Variants in FAM120C observed in about 807,000 individuals in gnomAD.
The protein encoded by FAM120C is constitutive coactivator of PPAR-gamma-like protein 2.
Under a neutral mutation model 71.2 loss-of-function variants are expected in FAM120C, and 14 were observed. That is an observed-to-expected ratio of 0.20 (90% CI 0.13 to 0.31). FAM120C has a LOEUF of 0.31. FAM120C is among the 10% of genes least tolerant of loss of function. The pLI is 1.00. For synonymous variants in FAM120C, 354 were observed against 353.2 expected (o/e 1.00, Z -0.03); for missense variants, 500 against 879.0 (o/e 0.57, Z 5.45).
intron 1 of FAM120C, among the ~76,000 whole-genome samples, chrX:54,173,514 C>T (rs1370858249): frequency 8.9e-6 from 1 of 112,620 alleles, no homozygotes; most frequent in Non-Finnish European, 1.9e-5. Flanking sequence ...TCCCAAAGTG[C>T]TGGGATTACA....
At chrX:54,148,881 C>T (rs1208057345) in intron 4 of FAM120C, among the ~76,000 whole-genome samples, 1 of 111,454 alleles carries the variant, frequency 9.0e-6, no homozygotes, top group Non-Finnish European at 1.9e-5. Flanking sequence ...TTAATTAGCT[C>T]GATTTAGCCA....
At position 54,133,791 on chromosome X, in the gene FAM120C, G is replaced by T; in HGVS notation, c.1872C>A (p.Ile624=). The change falls in exon 8 of 16, where the codon ATC becomes ATA. Residue 624 remains isoleucine (I), a synonymous_variant. Transcript: ENST00000375180. ...GCCTCACCTTAGTGAGGACATGGTA[G>T]ATATATGGGTACATAAGACCCCTCC... ...RHRRGLMYPY[I]YHVLTKGEIK... 5.0e-6 allele frequency: 6 copies of T among 1,210,830 alleles called. No individual in the cohort carries two copies. The highest frequency in any genetic ancestry group is 6.7e-6 in the Non-Finnish European group (6 of 894,952).
intron 4 of FAM120C, among the ~76,000 whole-genome samples, chrX:54,144,140 G>A (rs1302746986): frequency 1.5e-4 from 17 of 111,401 alleles, no homozygotes; most frequent in African/African-American, 4.6e-4. Flanking sequence ...CTCTCAATAA[G>A]CTAGGTATTC....
In FAM120C at chrX:54,129,839, G is replaced by A. The variant is rs782342377; in HGVS notation, c.2062+2853C>T. On this transcript the variant is annotated intron_variant, in intron 9 of 15. Transcript: ENST00000375180. The stretch of plus-strand genomic sequence containing the variant: ...TGGAGACCAGCCCGGCCAACACAGC[G>A]AAACCCGGTCTCCACCAAAAAAATA... Among the ~76,000 whole-genome samples, 1,049 of 111,646 alleles carry A rather than the reference G, an allele frequency of 9.4e-3. 6 individuals are homozygous for A. The highest frequency in any genetic ancestry group is 0.037 in the Middle Eastern group (8 of 215).
intron 10 of FAM120C, among the ~76,000 whole-genome samples, chrX:54,111,392 A>G (rs1399456659): frequency 9.0e-6 from 1 of 111,248 alleles, no homozygotes; most frequent in Non-Finnish European, 1.9e-5. Flanking sequence ...AAAACCCTAA[A>G]GAATCCTCCA....
At chrX:54,098,331 G>A (rs1033420181) in intron 10 of FAM120C, among the ~76,000 whole-genome samples, 3 of 111,607 alleles carry the variant, frequency 2.7e-5, no homozygotes, top group African/African-American at 9.8e-5. Flanking sequence ...ATAAGCCACC[G>A]TGCCCGGCCT....
intron 9 of FAM120C, among the ~76,000 whole-genome samples, chrX:54,125,569 G>A (rs1557127862): frequency 2.7e-5 from 3 of 113,060 alleles, no homozygotes; most frequent in Non-Finnish European, 5.6e-5. Context: ...GCTTCCCAAA[G>A]TGCTGGGATT....
chrX:54,157,811 T>A, intron 2 of FAM120C, 40 bp from the exon 3 acceptor site: 5 of 999,410 alleles, frequency 5.0e-6, no homozygotes, highest in Non-Finnish European at 7.0e-6. Flanking sequence ...GTACAAATGT[T>A]TTCTTAGAAC....
intron 10 of FAM120C, among the ~76,000 whole-genome samples, chrX:54,101,691 C>T (rs1286633341): frequency 1.8e-5 from 2 of 112,033 alleles, no homozygotes; most frequent in East Asian, 5.6e-4. Flanking sequence ...CCCTTGGAGA[C>T]GGACACCATT....
At chrX:54,107,234 C>G (rs1469684373) in intron 10 of FAM120C, among the ~76,000 whole-genome samples, 1 of 108,772 alleles carries the variant, frequency 9.2e-6, no homozygotes, top group African/African-American at 3.3e-5. Context: ...ATAGCTGGGA[C>G]TAGAGGCGTG....
chrX:54,159,054 C>T (rs1226517270), intron 2 of FAM120C, among the ~76,000 whole-genome samples: 9 of 111,733 alleles, frequency 8.1e-5, no homozygotes, highest in African/African-American at 2.9e-4. Context: ...CCAAAGTTGT[C>T]TCGGCCTAAT....
At chrX:54,148,550 G>T (rs1406133943) in intron 4 of FAM120C, among the ~76,000 whole-genome samples, 1 of 111,788 alleles carries the variant, frequency 8.9e-6, no homozygotes, top group Non-Finnish European at 1.9e-5. Flanking sequence ...GGGAGGCTGT[G>T]GTGGAAAGAC....
intron 15 of FAM120C, among the ~76,000 whole-genome samples, chrX:54,075,123 A>C (rs2066728677): frequency 8.9e-6 from 1 of 112,052 alleles, no homozygotes; most frequent in African/African-American, 3.2e-5. Context: ...GCACCATTGC[A>C]TTCCAGCCTG....
rs1557121133 is a variant in FAM120C at position 54,080,237 on chromosome X, T to G, written c.3031A>C (p.Lys1011Gln). 1 of 1,207,389 alleles carries G rather than the reference T, an allele frequency of 8.3e-7. No individual in the cohort carries two copies. Among genetic ancestry groups the G allele is most frequent in the Non-Finnish European group, 1.1e-6 (1 of 891,961 alleles). Residue 1011 changes from lysine to glutamine, a missense_variant, in exon 15 of 16, where the codon AAG (lysine) becomes CAG (glutamine). Lys to Gln is a moderately conservative substitution (Grantham distance 53, BLOSUM62 1). Around this residue, in one of 11 missense-constraint regions of FAM120C, gnomAD observed 85 missense variants for 96.1 expected, o/e 0.88. Coordinates refer to ENST00000375180, the MANE Select transcript of FAM120C (RefSeq NM_017848.6). ...ATCTCAAAAAAAATACTTACTTGCT[T>G]ATTTCCTTTTTTGTGTCCCTTGGAT... is the stretch of plus-strand genomic sequence containing the variant. ...RGSKGHKKGNKQGSSDGVSKS... is the reference protein window; with the variant it reads ...RGSKGHKKGNQQGSSDGVSKS...
At chrX:54,084,439 G>A (rs975921196) in intron 13 of FAM120C, among the ~76,000 whole-genome samples, 2 of 111,962 alleles carry the variant, frequency 1.8e-5, no homozygotes, top group Non-Finnish European at 3.8e-5. Flanking sequence ...TTTAAAGGGA[G>A]GAGCAATAGA....
chrX:54,072,918 C>A lies in FAM120C; in HGVS notation c.*115G>T. ...AGATGGACACAATAGGACATCCCACCAAAATCCTGGAGAAATCTAGGGTAA... is the reference window on the plus strand; with the variant it reads ...AGATGGACACAATAGGACATCCCACAAAAATCCTGGAGAAATCTAGGGTAA... On this transcript the variant is annotated 3_prime_UTR_variant, in exon 16 of 16. Transcript: ENST00000375180. 1.0e-6 allele frequency: 1 copy of A among 978,778 alleles called. No individual in the cohort carries two copies. 80.7% of individuals were successfully genotyped at this position (978,778 alleles called of 1,213,427 possible).
chrX:54,125,232 T>C (rs923922645), intron 9 of FAM120C, among the ~76,000 whole-genome samples: 95 of 108,224 alleles, frequency 8.8e-4, no homozygotes, highest in Non-Finnish European at 1.5e-3. Flanking sequence ...AAAAAATCAG[T>C]ACTCATATGG....
intron 12 of FAM120C, among the ~76,000 whole-genome samples, chrX:54,086,900 CGCAAAAAACTATGGATAGT>C: frequency 9.1e-6 from 1 of 110,341 alleles, no homozygotes; most frequent in Admixed American, 9.8e-5. Flanking sequence ...CTATGGATAG[CGCAAAAAACTATGGATAGT>C]GACAAAAAAC....
At chrX:54,131,600 G>A (rs1323800353) in intron 9 of FAM120C, among the ~76,000 whole-genome samples, 6 of 110,767 alleles carry the variant, frequency 5.4e-5, no homozygotes, top group Admixed American at 3.8e-4. Flanking sequence ...CACCATGCCC[G>A]GCTAATTTTG....
Sources: allele counts gnomAD v4.1 joint callset (sites outside exome capture counted in the v4.1 genomes callset), GRCh38; gene constraint gnomAD v4.1.1; regional missense constraint gnomAD v4.1.1; transcripts MANE v1.5; gene names NCBI Gene and HGNC (gene_info 2026-07-23, HGNC 2026-07-21).